Variants in TMEM132D observed in about 807,000 individuals in gnomAD.
TMEM132D encodes mature OL transmembrane protein.
In TMEM132D, 21 loss-of-function variants were observed where a neutral mutation model predicts 62.3. The ratio of observed to expected loss-of-function variants is 0.34; its 90% CI spans 0.24 to 0.49. The LOEUF is 0.49. TMEM132D is among the 20% of genes least tolerant of loss of function. TMEM132D has a pLI of 0.99. For missense variants in TMEM132D, 1,346 were observed against 1,402.8 expected (o/e 0.96, Z 0.65); for synonymous variants, 621 against 575.6 (o/e 1.08, Z -1.13).
At chr12:129,640,677 T>G (rs1401849056) in intron 2 of TMEM132D, among the ~76,000 whole-genome samples, 1 of 152,138 alleles carries the variant, frequency 6.6e-6, no homozygotes, top group Non-Finnish European at 1.5e-5. Flanking sequence ...CAGACATTAA[T>G]TCCTACATAA....
intron 4 of TMEM132D, among the ~76,000 whole-genome samples, chr12:129,308,023 C>T (rs1314628714): frequency 2.0e-5 from 3 of 152,170 alleles, no homozygotes; most frequent in Non-Finnish European, 4.4e-5. Context: ...TCTTTCTCTC[C>T]TTCGAGCTTC....
At chr12:129,334,657 G>A (rs1869218909) in intron 4 of TMEM132D, among the ~76,000 whole-genome samples, 1 of 152,016 alleles carries the variant, frequency 6.6e-6, no homozygotes, top group South Asian at 2.1e-4. Context: ...CTATCACCCA[G>A]GCTCGCTCTG....
intron 1 of TMEM132D, among the ~76,000 whole-genome samples, chr12:129,744,627 C>T (rs375867684): frequency 3.3e-5 from 5 of 152,076 alleles, no homozygotes; most frequent in South Asian, 2.1e-4. Flanking sequence ...ATTTAAGGAG[C>T]GCACTCTCAG....
chr12:129,602,821 G>A (rs1343904658), intron 2 of TMEM132D, among the ~76,000 whole-genome samples: 5 of 152,138 alleles, frequency 3.3e-5, no homozygotes, highest in South Asian at 2.1e-4. Context: ...AAAGTACAGA[G>A]GTTCAATTGA....
chr12:129,741,266 A>C (rs560046262), intron 1 of TMEM132D, among the ~76,000 whole-genome samples: 2 of 152,318 alleles, frequency 1.3e-5, no homozygotes, highest in East Asian at 3.9e-4. Flanking sequence ...GTGGGAAATA[A>C]CTTTCCTTGA....
intron 3 of TMEM132D, among the ~76,000 whole-genome samples, chr12:129,429,995 G>C (rs925928578): frequency 1.1e-4 from 17 of 151,836 alleles, no homozygotes; most frequent in African/African-American, 4.1e-4. Flanking sequence ...TTGGACATTT[G>C]GGTTAGTTCC....
chr12:129,806,702 A>G (rs1428674524), intron 1 of TMEM132D, among the ~76,000 whole-genome samples: 1 of 152,050 alleles, frequency 6.6e-6, no homozygotes, highest in Non-Finnish European at 1.5e-5. Flanking sequence ...ATAATAAAAG[A>G]AAAAAATAAA....
intron 5 of TMEM132D, among the ~76,000 whole-genome samples, chr12:129,193,089 C>T (rs1194536166): frequency 1.4e-5 from 2 of 146,116 alleles, no homozygotes; most frequent in African/African-American, 2.6e-5. Flanking sequence ...ACCCGGGAGG[C>T]GGAGCTTGCA....
chr12:129,671,908 A>G (rs1380078447), intron 2 of TMEM132D, among the ~76,000 whole-genome samples: 1 of 152,232 alleles, frequency 6.6e-6, no homozygotes, highest in African/African-American at 2.4e-5. Flanking sequence ...ACACAGCAGC[A>G]CAGTGGGAAT....
intron 3 of TMEM132D, among the ~76,000 whole-genome samples, chr12:129,432,123 G>GTGGGTGGA (rs1555255418): frequency 6.9e-6 from 1 of 145,200 alleles, no homozygotes; most frequent in African/African-American, 2.6e-5. Context: ...GGATGGATAG[G>GTGGGTGGA]TGGATGGATG....
intron 2 of TMEM132D, among the ~76,000 whole-genome samples, chr12:129,681,900 T>C (rs896785611): frequency 6.6e-6 from 1 of 152,186 alleles, no homozygotes; most frequent in Admixed American, 6.5e-5. Context: ...TCCCCCAGTC[T>C]TTGTTGATGC....
intron 1 of TMEM132D, among the ~76,000 whole-genome samples, chr12:129,884,446 T>C (rs1874692803): frequency 1.3e-5 from 2 of 152,196 alleles, no homozygotes; most frequent in Admixed American, 1.3e-4. Context: ...TTTTAAAATA[T>C]CAAAAGGATT....
At chr12:129,564,652 G>GTTCTCAATGGCTTAAGTCAGGGA (rs1877320002) in intron 2 of TMEM132D, among the ~76,000 whole-genome samples, 2 of 152,242 alleles carry the variant, frequency 1.3e-5, no homozygotes, top group Non-Finnish European at 2.9e-5. Flanking sequence ...TTACAAGTAT[G>GTTCTCAATGGCTTAAGTCAGGGA]TTCTCAATGG....
At chr12:129,612,564 T>G (rs998046571) in intron 2 of TMEM132D, among the ~76,000 whole-genome samples, 4 of 152,134 alleles carry the variant, frequency 2.6e-5, no homozygotes, top group Admixed American at 2.6e-4. Flanking sequence ...TTAGTAACCT[T>G]AAAAACGTAT....
chr12:129,390,815 A>G (rs940264557), intron 3 of TMEM132D, among the ~76,000 whole-genome samples: 1 of 152,192 alleles, frequency 6.6e-6, no homozygotes, highest in African/African-American at 2.4e-5. Context: ...GAGTGAGGAC[A>G]TGAACTCAAG....
chr12:129,446,944 A>C (rs530935394), intron 3 of TMEM132D, among the ~76,000 whole-genome samples: 165 of 152,334 alleles, frequency 1.1e-3, no homozygotes, highest in African/African-American at 3.9e-3. Context: ...TAGCAAGCAC[A>C]CAGCAAAGTC....
chr12:129,368,021 G>C (rs1478635436), intron 3 of TMEM132D, among the ~76,000 whole-genome samples: 1 of 152,080 alleles, frequency 6.6e-6, no homozygotes, highest in Non-Finnish European at 1.5e-5. Flanking sequence ...TTGAACTCCT[G>C]ACCTCAAGTG....
chr12:129,544,989 G>A (rs1233072168), intron 2 of TMEM132D, among the ~76,000 whole-genome samples: 2 of 152,166 alleles, frequency 1.3e-5, no homozygotes, highest in African/African-American at 4.8e-5. Context: ...TGTGGTTTGC[G>A]TTCATAGTAT....
At chr12:129,166,727 A>ACT (rs1353673777) in intron 5 of TMEM132D, among the ~76,000 whole-genome samples, 1 of 150,056 alleles carries the variant, frequency 6.7e-6, no homozygotes, top group African/African-American at 2.5e-5. Context: ...ACACACACAC[A>ACT]CATATATATA....
Sources: gnomAD v4.1 joint callset for allele counts (sites outside exome capture counted in the v4.1 genomes callset) on GRCh38, gnomAD v4.1.1 for gene constraint, MANE v1.5 for transcripts, NCBI Gene and HGNC (gene_info 2026-07-23, HGNC 2026-07-21) for gene names.